MRAP: variants seen among roughly 807,000 people sequenced by gnomAD.
The protein encoded by MRAP is melanocortin 2 receptor accessory protein, also known as melanocortin-2 receptor accessory protein.
MRAP carries 8 observed loss-of-function variants against 8.7 expected under a neutral mutation model. The observed-to-expected ratio is 0.92, with a 90% CI of 0.54 to 1.66. MRAP has a LOEUF of 1.66. Ranked by LOEUF, MRAP falls within the 40% of genes most tolerant of loss-of-function variation. The probability of loss-of-function intolerance (pLI) is 0.00; values close to 1 mark genes in which losing one functional copy is unlikely to be tolerated. For missense variants in MRAP, 237 were observed against 217.1 expected (o/e 1.09, Z -0.58); for synonymous variants, 95 against 95.5 (o/e 1.00, Z 0.03).
intron 1 of MRAP, among the ~76,000 whole-genome samples, chr21:32,300,724 GTCATT>G (rs1569026496): frequency 1.4e-3 from 36 of 25,988 alleles, no homozygotes; most frequent in African/African-American, 2.2e-3. Flanking sequence ...ATGTCGGGGC[GTCATT>G]CGTCCTATGT....
chr21:32,311,538 G>A (rs2032571542), intron 2 of MRAP, 146 bp from the exon 3 acceptor site: 10 of 1,190,624 alleles, frequency 8.4e-6, no homozygotes, highest in Non-Finnish European at 1.1e-5. Flanking sequence ...TTGTGAGCTG[G>A]CTGACCCTTC....
chr21:32,300,774 G>A (rs891682320), intron 1 of MRAP, among the ~76,000 whole-genome samples: 4 of 145,814 alleles, frequency 2.7e-5, no homozygotes, highest in Non-Finnish European at 6.0e-5. Context: ...GGGGCGTCAT[G>A]CCTCCTATGT....
upstream of MRAP, among the ~76,000 whole-genome samples, chr21:32,298,436 G>A (rs8129648): frequency 0.018 from 2,778 of 152,254 alleles, 94 homozygotes; most frequent in African/African-American, 0.062. Context: ...TTCACGGCTG[G>A]CATCACTCGA....
downstream of MRAP, chr21:32,312,687 A>C (rs374440887): frequency 1.7e-3 from 267 of 156,560 alleles, 1 homozygote; most frequent in African/African-American, 6.1e-3. Context: ...GTGACAGTGG[A>C]TCTGGGACCC....
At chr21:32,295,352 CCT>C (rs1279952857), upstream of MRAP, among the ~76,000 whole-genome samples, 10 of 152,268 alleles carry the variant, frequency 6.6e-5, no homozygotes, top group Non-Finnish European at 1.5e-5. Flanking sequence ...TTCCTTCTCC[CCT>C]GATTCCTCCC....
chr21:32,308,882 AC>A (rs2032481907), intron 2 of MRAP: 2 of 152,410 alleles, frequency 1.3e-5, no homozygotes, highest in Admixed American at 1.3e-4. Flanking sequence ...GGGACTGGAA[AC>A]CCTAAGCGTA....
chr21:32,299,875 C>T (rs1179079871), intron 1 of MRAP, among the ~76,000 whole-genome samples: 1 of 152,204 alleles, frequency 6.6e-6, no homozygotes, highest in Non-Finnish European at 1.5e-5. Context: ...CATCTGCCCT[C>T]GGGTTCCTTA....
chr21:32,308,996 C>T (rs900637217), intron 2 of MRAP, among the ~76,000 whole-genome samples: 1 of 152,162 alleles, frequency 6.6e-6, no homozygotes, highest in Non-Finnish European at 1.5e-5. Context: ...CCGTGAAGAG[C>T]CGTGGACTCG....
upstream of MRAP, among the ~76,000 whole-genome samples, chr21:32,294,789 T>A (rs1339797358): frequency 6.6e-6 from 1 of 152,066 alleles, no homozygotes; most frequent in Non-Finnish European, 1.5e-5. Flanking sequence ...TTGGGGCCAT[T>A]TAACATCTTA....
chr21:32,306,774 C>CA, intron 2 of MRAP, 35 bp downstream of exon 2: 5 of 1,523,040 alleles, frequency 3.3e-6, no homozygotes, highest in Non-Finnish European at 4.6e-6. Flanking sequence ...GTGGGTCACT[C>CA]AGACGCTCTC....
At chr21:32,306,874 T>C (rs2032433648) in intron 2 of MRAP, 135 bp downstream of exon 2, 1 of 760,384 alleles carries the variant, frequency 1.3e-6, no homozygotes. Context: ...ATATTTGCAT[T>C]GTACCTACCA....
intron 1 of MRAP, among the ~76,000 whole-genome samples, chr21:32,305,034 G>A (rs751498070): frequency 4.2e-5 from 6 of 143,574 alleles, no homozygotes; most frequent in Non-Finnish European, 9.0e-5. Context: ...GCACACTGGC[G>A]TGATCGTAGC....
At chr21:32,295,881 C>G (rs2032130788), upstream of MRAP, among the ~76,000 whole-genome samples, 1 of 152,144 alleles carries the variant, frequency 6.6e-6, no homozygotes, top group Non-Finnish European at 1.5e-5. Context: ...GAGGCTGAGG[C>G]AGGAGAATTA....
At chr21:32,296,182 A>C (rs8132833), upstream of MRAP, among the ~76,000 whole-genome samples, 54,899 of 151,754 alleles carry the variant, frequency 0.36, 10,383 homozygotes, top group East Asian at 0.49. Context: ...TCTTCTTATG[A>C]AGACACCAGT....
chr21:32,307,825 G>C (rs1444220236), intron 2 of MRAP, among the ~76,000 whole-genome samples: 1 of 152,188 alleles, frequency 6.6e-6, no homozygotes, highest in African/African-American at 2.4e-5. Context: ...AGTGAGCTGT[G>C]ATTGCGCCAC....
downstream of MRAP, chr21:32,313,610 A>G (rs1002009450): frequency 1.3e-5 from 2 of 152,234 alleles, no homozygotes; most frequent in African/African-American, 2.4e-5. Flanking sequence ...ACTTTAAGTC[A>G]CCTAAAACAG....
In MRAP at chr21:32,306,635, C is replaced by G. The variant is rs373512270; in HGVS notation, c.107-5C>G. On this transcript the variant is annotated splice_region_variant and splice_polypyrimidine_tract_variant and intron_variant, in intron 1 of 2. Transcript: ENST00000303645. ...AGCGCTGAGATGCATCTCCTCCTCC[C>G]GCAGATTCCATCGTGATCGCATTCT... The G allele has an allele frequency of 1.2e-6, 2 of 1,613,612 alleles. No homozygotes were observed. The highest frequency in any genetic ancestry group is 1.7e-6 in the Non-Finnish European group (2 of 1,179,670).
chr21:32,306,133 CCT>C (rs2032409503), intron 1 of MRAP, among the ~76,000 whole-genome samples: 1 of 152,170 alleles, frequency 6.6e-6, no homozygotes, highest in African/African-American at 2.4e-5. Context: ...GCAGAAAGGG[CCT>C]CCCCACCGGA....
In MRAP at chr21:32,312,186, C is replaced by T; in HGVS notation, c.*190C>T. On this transcript the variant is annotated 3_prime_UTR_variant, in exon 3 of 3. Coordinates refer to ENST00000303645, the MANE Select transcript of MRAP (RefSeq NM_001379228.1). Reference sequence around the variant, plus strand: ...TGGCCCCTCGAGTGCAGAGGTCATCCCAGGTGTTGCTGAGTTTATTGAGCA... The same window carrying T: ...TGGCCCCTCGAGTGCAGAGGTCATCTCAGGTGTTGCTGAGTTTATTGAGCA... The T allele has an allele frequency of 6.7e-7, 1 of 1,498,032 alleles. No homozygotes were observed. Among genetic ancestry groups the T allele is most frequent in the Non-Finnish European group, 8.9e-7 (1 of 1,126,598 alleles). The allele number at this position is 1,498,032 out of a possible 1,614,324, so 92.8% of individuals were successfully genotyped here.
Sources: allele counts gnomAD v4.1 joint callset (sites outside exome capture counted in the v4.1 genomes callset), GRCh38; gene constraint gnomAD v4.1.1; transcripts MANE v1.5; gene names NCBI Gene and HGNC (gene_info 2026-07-23, HGNC 2026-07-21).